PTPRD: variants seen among roughly 807,000 people sequenced by gnomAD.
PTPRD encodes the protein receptor-type tyrosine-protein phosphatase delta.
PTPRD carries 34 observed loss-of-function variants against 214.5 expected under a neutral mutation model. The observed-to-expected ratio is 0.16, with a 90% CI of 0.12 to 0.21. PTPRD has a LOEUF of 0.21. PTPRD is among the 10% of genes least tolerant of loss of function. The pLI is 1.00. For synonymous variants in PTPRD, 1,128 were observed against 845.7 expected (o/e 1.33, Z -5.79); for missense variants, 2,545 against 2,398.7 (o/e 1.06, Z -1.27).
At chr9:9,060,612 A>G (rs1046024007) in intron 10 of PTPRD, among the ~76,000 whole-genome samples, 3 of 152,106 alleles carry the variant, frequency 2.0e-5, no homozygotes, top group Non-Finnish European at 4.4e-5. Context: ...TATATAATAA[A>G]CAGATAGTAT....
chr9:9,314,775 A>G (rs562760627), intron 9 of PTPRD, among the ~76,000 whole-genome samples: 7 of 152,196 alleles, frequency 4.6e-5, no homozygotes, highest in Admixed American at 3.3e-4. Flanking sequence ...AATTTAACAA[A>G]ACGAATCTAA....
At chr9:10,254,618 C>T (rs1242569268) in intron 3 of PTPRD, among the ~76,000 whole-genome samples, 1 of 152,142 alleles carries the variant, frequency 6.6e-6, no homozygotes, top group Non-Finnish European at 1.5e-5. Flanking sequence ...ATTATCTTTG[C>T]AGTCCTCACA....
At chr9:10,381,847 G>A (rs943222931) in intron 2 of PTPRD, among the ~76,000 whole-genome samples, 2 of 151,762 alleles carry the variant, frequency 1.3e-5, no homozygotes, top group Non-Finnish European at 2.9e-5. Flanking sequence ...CATTATTGGA[G>A]GATAACTTAA....
intron 2 of PTPRD, among the ~76,000 whole-genome samples, chr9:10,421,363 G>A (rs1324648838): frequency 2.6e-5 from 4 of 151,894 alleles, no homozygotes; most frequent in Non-Finnish European, 5.9e-5. Flanking sequence ...TGACAGCAAT[G>A]TTGGCAACAT....
At chr9:10,540,361 A>T (rs1219136982) in intron 2 of PTPRD, among the ~76,000 whole-genome samples, 1 of 152,168 alleles carries the variant, frequency 6.6e-6, no homozygotes, top group East Asian at 1.9e-4. Context: ...TCTGTGTAAA[A>T]GTCAGAAATT....
intron 11 of PTPRD, among the ~76,000 whole-genome samples, chr9:8,792,492 T>C (rs1000230688): frequency 6.6e-6 from 1 of 152,120 alleles, no homozygotes; most frequent in African/African-American, 2.4e-5. Context: ...GAGCATTCAG[T>C]TCCATTTTTG....
intron 7 of PTPRD, among the ~76,000 whole-genome samples, chr9:9,597,162 G>A (rs1414006602): frequency 6.6e-6 from 1 of 151,964 alleles, no homozygotes; most frequent in Non-Finnish European, 1.5e-5. Context: ...CAGGCTGAGG[G>A]TGGGGGGAAT....
intron 12 of PTPRD, among the ~76,000 whole-genome samples, chr9:8,682,640 A>G (rs1287297852): frequency 7.2e-5 from 11 of 152,208 alleles, no homozygotes; most frequent in Admixed American, 7.2e-4. Context: ...ATCCTAGTGT[A>G]GCAGGTGATG....
intron 11 of PTPRD, among the ~76,000 whole-genome samples, chr9:8,848,268 G>C (rs2097740231): frequency 6.8e-6 from 1 of 147,962 alleles, no homozygotes; most frequent in African/African-American, 2.5e-5. Flanking sequence ...ATACTCTTCA[G>C]AAACGGTAGA....
At chr9:9,665,170 A>G (rs2096695981) in intron 7 of PTPRD, among the ~76,000 whole-genome samples, 1 of 151,768 alleles carries the variant, frequency 6.6e-6, no homozygotes, top group Admixed American at 6.6e-5. Flanking sequence ...TACTAGCTAT[A>G]GAAAATAGTC....
At chr9:10,581,159 G>A (rs2071618361) in intron 2 of PTPRD, among the ~76,000 whole-genome samples, 1 of 152,080 alleles carries the variant, frequency 6.6e-6, no homozygotes, top group Non-Finnish European at 1.5e-5. Context: ...GAGCTATTAT[G>A]AGAATTAATA....
intron 11 of PTPRD, among the ~76,000 whole-genome samples, chr9:8,792,715 T>G (rs1024647025): frequency 3.3e-5 from 5 of 152,154 alleles, no homozygotes; most frequent in African/African-American, 1.2e-4. Context: ...ATTTAACTAT[T>G]GATAGAAGAA....
At chr9:8,760,443 A>T (rs1466952875) in intron 11 of PTPRD, among the ~76,000 whole-genome samples, 1 of 152,200 alleles carries the variant, frequency 6.6e-6, no homozygotes, top group Non-Finnish European at 1.5e-5. Context: ...TATTCTAGTT[A>T]AAAATAACAG....
chr9:10,315,185 T>C (rs1040289143), intron 3 of PTPRD, among the ~76,000 whole-genome samples: 4 of 152,000 alleles, frequency 2.6e-5, no homozygotes, highest in Non-Finnish European at 4.4e-5. Context: ...ATTATTATGC[T>C]TGTGTCACTT....
chr9:8,814,249 G>C (rs1403398609), intron 11 of PTPRD, among the ~76,000 whole-genome samples: 1 of 152,122 alleles, frequency 6.6e-6, no homozygotes. Context: ...AAAGTAAAGA[G>C]CAGGGCATCT....
At chr9:10,027,599 T>C (rs981432932) in intron 4 of PTPRD, among the ~76,000 whole-genome samples, 1 of 152,226 alleles carries the variant, frequency 6.6e-6, no homozygotes, top group Non-Finnish European at 1.5e-5. Context: ...GCATTTGTTA[T>C]AACAATATAT....
At chr9:8,848,313 C>CTTTTTTTTTTTTTTTT (rs371491854) in intron 11 of PTPRD, among the ~76,000 whole-genome samples, 18 of 132,670 alleles carry the variant, frequency 1.4e-4, no homozygotes, top group Non-Finnish European at 2.5e-4. Flanking sequence ...AAGATTTTTC[C>CTTTTTTTTTTTTTTTT]TTTTTTTTTT....
chr9:9,962,958 T>A (rs1441347948), intron 4 of PTPRD, among the ~76,000 whole-genome samples: 2 of 151,982 alleles, frequency 1.3e-5, no homozygotes, highest in Admixed American at 1.3e-4. Flanking sequence ...GCTGTGGCCA[T>A]AAAGTAATAG....
intron 3 of PTPRD, among the ~76,000 whole-genome samples, chr9:10,098,147 G>T (rs989866016): frequency 6.6e-6 from 1 of 151,800 alleles, no homozygotes; most frequent in African/African-American, 2.4e-5. Context: ...TATACACCAT[G>T]GAATACTATG....
Sources: gnomAD v4.1 joint callset for allele counts (sites outside exome capture counted in the v4.1 genomes callset) on GRCh38, gnomAD v4.1.1 for gene constraint, MANE v1.5 for transcripts, NCBI Gene and HGNC (gene_info 2026-07-23, HGNC 2026-07-21) for gene names.